The following MARCHF1 variants were observed in gnomAD, a reference collection of about 807,000 sequenced individuals.
The protein encoded by MARCHF1 is membrane associated ring-CH-type finger 1, also known as E3 ubiquitin-protein ligase MARCHF1.
MARCHF1 carries 40 observed loss-of-function variants against 54.2 expected under a neutral mutation model. The observed-to-expected ratio is 0.74, with a 90% CI of 0.57 to 0.96. The LOEUF (loss-of-function observed/expected upper bound fraction) is 0.96, where lower values mean the gene tolerates loss of function less well. MARCHF1 is among the 40% of genes least tolerant of loss of function. MARCHF1 has a pLI of 0.00. For synonymous variants in MARCHF1, 236 were observed against 236.3 expected (o/e 1.00, Z 0.01); for missense variants, 586 against 656.5 (o/e 0.89, Z 1.17).
At chr4:163,853,679 A>T (rs1181079361) in intron 4 of MARCHF1, among the ~76,000 whole-genome samples, 1 of 152,200 alleles carries the variant, frequency 6.6e-6, no homozygotes, top group South Asian at 2.1e-4. Context: ...ATGACTCTGT[A>T]CTTACTTTTC....
intron 1 of MARCHF1, chr4:164,190,074 T>C: frequency 1.4e-6 from 2 of 1,414,348 alleles, no homozygotes; most frequent in Admixed American, 3.4e-5. Flanking sequence ...GCTGGAAAGC[T>C]ATGGCTATTC....
intron 3 of MARCHF1, among the ~76,000 whole-genome samples, chr4:163,925,473 T>C (rs193273309): frequency 8.9e-4 from 135 of 151,982 alleles, no homozygotes; most frequent in African/African-American, 3.0e-3. Flanking sequence ...AATAATTCTT[T>C]TAAATCAACC....
chr4:164,257,694 A>G (rs1056470405), intron 1 of MARCHF1, among the ~76,000 whole-genome samples: 4 of 152,102 alleles, frequency 2.6e-5, no homozygotes, highest in African/African-American at 9.7e-5. Context: ...GTGGCCAGGC[A>G]TGGCAGCTCA....
intron 2 of MARCHF1, among the ~76,000 whole-genome samples, chr4:164,102,511 A>G (rs1467295484): frequency 1.7e-4 from 25 of 149,976 alleles, no homozygotes; most frequent in Non-Finnish European, 3.3e-4. Flanking sequence ...ATCCAGCCAA[A>G]CTAAGCTTCA....
chr4:164,310,267 A>G (rs1734813096), intron 1 of MARCHF1, among the ~76,000 whole-genome samples: 1 of 151,764 alleles, frequency 6.6e-6, no homozygotes, highest in Non-Finnish European at 1.5e-5. Context: ...TAGTAGAGAC[A>G]GGGTTTCACC....
chr4:164,280,257 G>A (rs17044858), intron 1 of MARCHF1, among the ~76,000 whole-genome samples: 6,976 of 151,894 alleles, frequency 0.046, 436 homozygotes, highest in African/African-American at 0.14. Flanking sequence ...CCTCAAAGTC[G>A]TGAATATAGC....
intron 1 of MARCHF1, among the ~76,000 whole-genome samples, chr4:164,194,730 C>T (rs1357485499): frequency 1.3e-5 from 2 of 151,794 alleles, no homozygotes; most frequent in Admixed American, 1.3e-4. Flanking sequence ...TAATGACATT[C>T]AAAATTTTAA....
At position 163,991,411 on chromosome 4, in the gene MARCHF1, A is replaced by T. The variant is rs78655377; in HGVS notation, c.-247-2702T>A. Among the ~76,000 whole-genome samples the T allele has an allele frequency of 8.3e-4, 127 of 152,268 alleles. 1 individual carries two copies. The East Asian group carries it at 0.015, about 18-fold the overall frequency. ...CAGCTAATATCAATGTCTTGCACTT[A>T]CCTAATACCTTTCCTCAAGCAGCTT... On this transcript the variant is annotated intron_variant, in intron 2 of 9. Coordinates refer to ENST00000514618, the MANE Select transcript of MARCHF1 (RefSeq NM_001394959.1).
chr4:163,720,840 G>T (rs1043730757), intron 4 of MARCHF1, among the ~76,000 whole-genome samples: 20 of 152,184 alleles, frequency 1.3e-4, no homozygotes, highest in African/African-American at 4.6e-4. Context: ...GTCTGTTATT[G>T]GTGTATAAGA....
chr4:163,779,846 C>T (rs983869176), intron 4 of MARCHF1, among the ~76,000 whole-genome samples: 1 of 151,350 alleles, frequency 6.6e-6, no homozygotes, highest in African/African-American at 2.4e-5. Flanking sequence ...ACCCCTATTA[C>T]ATAGATCCAT....
intron 2 of MARCHF1, among the ~76,000 whole-genome samples, chr4:164,041,026 C>T (rs1431293916): frequency 6.6e-6 from 1 of 152,006 alleles, no homozygotes; most frequent in South Asian, 2.1e-4. Flanking sequence ...GGATAATACA[C>T]TCAATTTAAA....
chr4:164,074,001 T>G (rs1754922422), intron 2 of MARCHF1, among the ~76,000 whole-genome samples: 1 of 152,188 alleles, frequency 6.6e-6, no homozygotes, highest in African/African-American at 2.4e-5. Flanking sequence ...AGATGGAGTT[T>G]CACCATGTTT....
chr4:164,233,069 C>G (rs1732457370), intron 1 of MARCHF1, among the ~76,000 whole-genome samples: 1 of 152,122 alleles, frequency 6.6e-6, no homozygotes, highest in African/African-American at 2.4e-5. Flanking sequence ...ATACAAGAGG[C>G]TTTTAAGCAT....
chr4:163,591,572 T>G (rs1047456759), intron 7 of MARCHF1, among the ~76,000 whole-genome samples: 3 of 152,128 alleles, frequency 2.0e-5, no homozygotes, highest in African/African-American at 7.2e-5. Flanking sequence ...TAATTTAAGT[T>G]ATGAGAATGT....
At chr4:164,166,324 A>C (rs926334606) in intron 1 of MARCHF1, among the ~76,000 whole-genome samples, 3 of 151,986 alleles carry the variant, frequency 2.0e-5, no homozygotes, top group African/African-American at 7.2e-5. Context: ...AGTCCAAATG[A>C]AGTGTGAAGC....
At chr4:163,551,988 G>A (rs1739121209) in intron 8 of MARCHF1, among the ~76,000 whole-genome samples, 1 of 152,150 alleles carries the variant, frequency 6.6e-6, no homozygotes, top group Admixed American at 6.5e-5. Flanking sequence ...AGATAAGCAT[G>A]TACATGAAGG....
chr4:163,660,449 T>C (rs1228573279), intron 5 of MARCHF1, among the ~76,000 whole-genome samples: 3 of 152,008 alleles, frequency 2.0e-5, no homozygotes, highest in African/African-American at 7.2e-5. Flanking sequence ...AAAGACCTAA[T>C]GCATGAGGAG....
intron 2 of MARCHF1, among the ~76,000 whole-genome samples, chr4:164,003,779 T>C (rs1753231407): frequency 6.6e-6 from 1 of 152,092 alleles, no homozygotes; most frequent in East Asian, 1.9e-4. Context: ...AGCAATCCCA[T>C]TACTAGGTAT....
intron 1 of MARCHF1, among the ~76,000 whole-genome samples, chr4:164,371,892 T>C (rs902598927): frequency 6.6e-6 from 1 of 152,124 alleles, no homozygotes; most frequent in Non-Finnish European, 1.5e-5. Flanking sequence ...GTTTATAATA[T>C]TTATAAAAGT....
Sources: allele counts gnomAD v4.1 joint callset (sites outside exome capture counted in the v4.1 genomes callset), GRCh38; gene constraint gnomAD v4.1.1; transcripts MANE v1.5; gene names NCBI Gene and HGNC (gene_info 2026-07-23, HGNC 2026-07-21).